Variants in AGBL4 observed in about 807,000 individuals in gnomAD.
The protein encoded by AGBL4 is cytosolic carboxypeptidase 6.
AGBL4 carries 58 observed loss-of-function variants against 66.4 expected under a neutral mutation model. That is an observed-to-expected ratio of 0.87 (90% CI 0.71 to 1.09). The LOEUF is 1.09. Among genes scored for constraint, AGBL4 ranks in the 50% least tolerant of loss-of-function variants. AGBL4 has a pLI of 0.00. For missense variants in AGBL4, 579 were observed against 631.0 expected, an observed-to-expected ratio of 0.92 and a Z score of 0.88; for synonymous variants, 234 against 222.9, an observed-to-expected ratio of 1.05 and a Z score of -0.44.
At chr1:49,182,122 T>C (rs1646940582) in intron 4 of AGBL4, among the ~76,000 whole-genome samples, 1 of 152,094 alleles carries the variant, frequency 6.6e-6, no homozygotes, top group Non-Finnish European at 1.5e-5. Flanking sequence ...TTCTAGGGTA[T>C]TACTGGAATC....
chr1:48,716,722 C>T (rs998156694), intron 6 of AGBL4, among the ~76,000 whole-genome samples: 37 of 152,230 alleles, frequency 2.4e-4, no homozygotes, highest in African/African-American at 7.9e-4. Context: ...AGGAGCAAGG[C>T]GGTGGGTCAG....
At chr1:49,915,603 G>A (rs1053074187) in intron 1 of AGBL4, among the ~76,000 whole-genome samples, 7 of 152,202 alleles carry the variant, frequency 4.6e-5, no homozygotes, top group African/African-American at 1.7e-4. Flanking sequence ...GAACTGGGTG[G>A]AGCCCACTGC....
chr1:49,928,398 G>C (rs1244250579), intron 1 of AGBL4, among the ~76,000 whole-genome samples: 1 of 152,018 alleles, frequency 6.6e-6, no homozygotes, highest in Non-Finnish European at 1.5e-5. Flanking sequence ...CTACAGGTGA[G>C]TGCCACTGTG....
chr1:49,268,896 T>C (rs1643991228), intron 3 of AGBL4, among the ~76,000 whole-genome samples: 1 of 152,196 alleles, frequency 6.6e-6, no homozygotes, highest in African/African-American at 2.4e-5. Flanking sequence ...CCATATTCTT[T>C]ATACTATGAT....
At chr1:50,014,003 A>T (rs1661745176) in intron 1 of AGBL4, among the ~76,000 whole-genome samples, 1 of 152,164 alleles carries the variant, frequency 6.6e-6, no homozygotes, top group East Asian at 1.9e-4. Flanking sequence ...GAATGTTTTA[A>T]ATCTTATCTT....
At chr1:49,812,521 C>T (rs1645124714) in intron 2 of AGBL4, among the ~76,000 whole-genome samples, 1 of 152,162 alleles carries the variant, frequency 6.6e-6, no homozygotes. Context: ...ACCTAACAAA[C>T]ACTGACATAA....
chr1:48,983,388 C>G (rs1348465267), intron 5 of AGBL4, among the ~76,000 whole-genome samples: 2 of 152,078 alleles, frequency 1.3e-5, no homozygotes, highest in Non-Finnish European at 2.9e-5. Flanking sequence ...GAAACAAGGA[C>G]AAGGAGTTTC....
chr1:48,762,614 T>TTGTGTG lies in AGBL4; in HGVS notation c.635-99379_635-99374dup, dbSNP rs58396843. Among the ~76,000 whole-genome samples, 494 of 75,010 alleles carry TTGTGTG rather than the reference T, an allele frequency of 6.6e-3. 6 individuals are homozygous for TTGTGTG. Among genetic ancestry groups the TTGTGTG allele is most frequent in the African/African-American group, 0.015 (384 of 25,246 alleles). The allele number at this position is 75,010 out of a possible 152,430, so 49.2% of individuals were successfully genotyped here. On this transcript the variant is annotated intron_variant, in intron 6 of 13. Transcript: ENST00000371839. ...TAGTTAAATCCAGTCTTTAAGGGTT[T>TTGTGTG]TGTGTGTGTGTGTGTGTGTGTGTGT...
intron 4 of AGBL4, among the ~76,000 whole-genome samples, chr1:49,068,690 T>C (rs560281354): frequency 4.5e-4 from 69 of 152,320 alleles, no homozygotes; most frequent in African/African-American, 1.2e-3. Context: ...GCAATAAACA[T>C]ATGTGTCCAT....
At chr1:50,005,435 C>T (rs955565721) in intron 1 of AGBL4, among the ~76,000 whole-genome samples, 2 of 152,176 alleles carry the variant, frequency 1.3e-5, no homozygotes, top group Admixed American at 6.5e-5. Flanking sequence ...TACTGGGTTT[C>T]AGGTGCCCCC....
intron 2 of AGBL4, among the ~76,000 whole-genome samples, chr1:49,751,452 G>A (rs1651455972): frequency 6.6e-6 from 1 of 152,140 alleles, no homozygotes; most frequent in East Asian, 1.9e-4. Flanking sequence ...TGGTGGATAA[G>A]CTTTTTAATG....
At chr1:49,782,995 C>T (rs1644371766) in intron 2 of AGBL4, among the ~76,000 whole-genome samples, 1 of 151,868 alleles carries the variant, frequency 6.6e-6, no homozygotes, top group Admixed American at 6.6e-5. Flanking sequence ...TATAAGAGGC[C>T]CCAGAAACCT....
intron 4 of AGBL4, among the ~76,000 whole-genome samples, chr1:49,179,435 A>T (rs1646888968): frequency 6.6e-6 from 1 of 152,094 alleles, no homozygotes; most frequent in Non-Finnish European, 1.5e-5. Context: ...TGACTTTTTA[A>T]AAAATAGTAG....
intron 3 of AGBL4, among the ~76,000 whole-genome samples, chr1:49,549,571 C>T (rs957344709): frequency 2.0e-5 from 3 of 152,134 alleles, no homozygotes; most frequent in African/African-American, 7.2e-5. Flanking sequence ...TATTTACTTT[C>T]CATGTACTTG....
At chr1:49,585,310 C>T (rs938104266) in intron 3 of AGBL4, among the ~76,000 whole-genome samples, 2 of 152,080 alleles carry the variant, frequency 1.3e-5, no homozygotes, top group Admixed American at 6.5e-5. Context: ...ATGTTACATT[C>T]TAAACAACTC....
chr1:49,916,803 T>C (rs1349470278), intron 1 of AGBL4, among the ~76,000 whole-genome samples: 1 of 151,930 alleles, frequency 6.6e-6, no homozygotes, highest in Non-Finnish European at 1.5e-5. Context: ...AAAGTTGAAA[T>C]GAAGGAAAAA....
At chr1:49,559,640 A>C (rs1643986250) in intron 3 of AGBL4, among the ~76,000 whole-genome samples, 1 of 152,138 alleles carries the variant, frequency 6.6e-6, no homozygotes, top group Admixed American at 6.5e-5. Context: ...TGATCCTTCT[A>C]CTGTTCTGGA....
At chr1:49,653,629 C>A (rs1646053899) in intron 3 of AGBL4, among the ~76,000 whole-genome samples, 1 of 151,500 alleles carries the variant, frequency 6.6e-6, no homozygotes, top group African/African-American at 2.4e-5. Flanking sequence ...ATGAATATAA[C>A]TGACCTGACG....
At position 49,799,838 on chromosome 1, in the gene AGBL4, G is replaced by A. The variant is rs79122342; in HGVS notation, c.157+51558C>T. On this transcript the variant is annotated intron_variant, in intron 2 of 13. Transcript: ENST00000371839. ...CTAGTACTTATAATGATGTCCATATGTTTGCCAAACAACTCAGTGCCACAG... is the reference window on the plus strand; with the variant it reads ...CTAGTACTTATAATGATGTCCATATATTTGCCAAACAACTCAGTGCCACAG... 1.7e-3 allele frequency among the ~76,000 whole-genome samples: 254 copies of A among 152,134 alleles called. 7 individuals are homozygous for A. In the East Asian group the frequency reaches 0.041, roughly 25 times the overall value.
Sources: gnomAD v4.1 joint callset for allele counts (sites outside exome capture counted in the v4.1 genomes callset) on GRCh38, gnomAD v4.1.1 for gene constraint, MANE v1.5 for transcripts, NCBI Gene and HGNC (gene_info 2026-07-23, HGNC 2026-07-21) for gene names.